Variants in NRXN1 observed in about 807,000 individuals in gnomAD.
NRXN1 encodes neurexin-1.
A neutral mutation model predicts 150.9 loss-of-function variants in NRXN1; 39 were observed. The ratio of observed to expected loss-of-function variants is 0.26; its 90% CI spans 0.20 to 0.34. The LOEUF is 0.34. Among genes scored for constraint, NRXN1 ranks in the 10% least tolerant of loss-of-function variants. The probability of loss-of-function intolerance (pLI) is 1.00; values close to 1 mark genes in which losing one functional copy is unlikely to be tolerated. For synonymous variants in NRXN1, 924 were observed against 757.0 expected (o/e 1.22, Z -3.62); for missense variants, 1,815 against 1,949.9 (o/e 0.93, Z 1.30).
In NRXN1 at chr2:50,019,947, C is replaced by CAAA. The variant is rs1161865745; in HGVS notation, c.4128+33321_4128+33323dup. ...TGGGTGACAAAGCAAGACTCCGTCT[C>CAAA]AAAAAAAAAAAAAAAAAAAAAAAAA... On this transcript the variant is annotated intron_variant, in intron 21 of 22. Coordinates refer to ENST00000401669, the MANE Select transcript of NRXN1 (RefSeq NM_001330078.2). Among the ~76,000 whole-genome samples the CAAA allele has an allele frequency of 2.3e-3, 98 of 43,348 alleles. 16 individuals carry two copies. The highest frequency in any genetic ancestry group is 3.6e-3 in the Non-Finnish European group (73 of 20,374). 28.4% of individuals were successfully genotyped at this position (43,348 alleles called of 152,430 possible). A position where few individuals can be genotyped will look rare whatever the true frequency, so the allele number is the denominator to read the frequency against.
At chr2:50,688,464 C>A (rs1691580906) in intron 5 of NRXN1, among the ~76,000 whole-genome samples, 2 of 152,094 alleles carry the variant, frequency 1.3e-5, no homozygotes, top group African/African-American at 2.4e-5. Flanking sequence ...TCTCTCAGTG[C>A]TCATTTTAAA....
At chr2:50,886,928 C>A (rs539934790) in intron 5 of NRXN1, among the ~76,000 whole-genome samples, 1 of 151,292 alleles carries the variant, frequency 6.6e-6, no homozygotes, top group African/African-American at 2.4e-5. Context: ...ACATCACTGG[C>A]CTTATTCTTC....
intron 5 of NRXN1, among the ~76,000 whole-genome samples, chr2:50,646,905 G>A (rs1177439810): frequency 1.3e-5 from 2 of 151,746 alleles, no homozygotes; most frequent in Admixed American, 6.6e-5. Flanking sequence ...ACAGGAGACA[G>A]GGAGGAAGAA....
intron 17 of NRXN1, among the ~76,000 whole-genome samples, chr2:50,428,768 A>G (rs1364836313): frequency 2.6e-5 from 4 of 152,206 alleles, no homozygotes; most frequent in Non-Finnish European, 5.9e-5. Context: ...CCCTATGCTA[A>G]GAGGTTTACA....
intron 19 of NRXN1, among the ~76,000 whole-genome samples, chr2:50,073,512 A>G (rs951726684): frequency 3.3e-5 from 5 of 152,116 alleles, no homozygotes; most frequent in Non-Finnish European, 7.4e-5. Context: ...CTTTTCCATG[A>G]TCCAGACTTA....
chr2:50,074,570 T>G (rs564312227), intron 19 of NRXN1, among the ~76,000 whole-genome samples: 1 of 152,274 alleles, frequency 6.6e-6, no homozygotes, highest in African/African-American at 2.4e-5. Flanking sequence ...TACTATTGTT[T>G]TTATAGATTA....
intron 17 of NRXN1, among the ~76,000 whole-genome samples, chr2:50,390,435 TAA>T (rs2081611612): frequency 6.6e-6 from 1 of 152,190 alleles, no homozygotes; most frequent in Non-Finnish European, 1.5e-5. Flanking sequence ...TGAGAGCAAC[TAA>T]TTTACACAGG....
At chr2:50,816,592 T>C (rs1220868858) in intron 5 of NRXN1, among the ~76,000 whole-genome samples, 1 of 152,138 alleles carries the variant, frequency 6.6e-6, no homozygotes, top group African/African-American at 2.4e-5. Flanking sequence ...CTTCAAAGCT[T>C]ACTGATTGTT....
At chr2:50,602,651 C>G (rs759103515) in intron 8 of NRXN1, among the ~76,000 whole-genome samples, 3 of 151,930 alleles carry the variant, frequency 2.0e-5, no homozygotes, top group Non-Finnish European at 4.4e-5. Context: ...CCCTTCCTTT[C>G]TTTTAAAATT....
At chr2:50,624,193 C>T (rs1046685431) in intron 5 of NRXN1, among the ~76,000 whole-genome samples, 4 of 152,130 alleles carry the variant, frequency 2.6e-5, no homozygotes, top group African/African-American at 9.7e-5. Context: ...CACATATACA[C>T]CATGGAATAC....
At chr2:50,134,556 C>T (rs1012474913) in intron 18 of NRXN1, among the ~76,000 whole-genome samples, 3 of 152,108 alleles carry the variant, frequency 2.0e-5, no homozygotes, top group African/African-American at 4.8e-5. Flanking sequence ...GATCAATAAC[C>T]TGGAAATCAA....
chr2:50,177,106 G>C (rs943963046), intron 18 of NRXN1, among the ~76,000 whole-genome samples: 1 of 152,154 alleles, frequency 6.6e-6, no homozygotes, highest in Non-Finnish European at 1.5e-5. Context: ...GAAAGTTAGA[G>C]TTTTAGAAAA....
At chr2:50,671,565 C>T (rs1385276927) in intron 5 of NRXN1, among the ~76,000 whole-genome samples, 2 of 151,576 alleles carry the variant, frequency 1.3e-5, no homozygotes, top group African/African-American at 4.8e-5. Flanking sequence ...TTATTGCATG[C>T]ACTTTTTATA....
chr2:50,900,256 A>G (rs1296972113), intron 5 of NRXN1, among the ~76,000 whole-genome samples: 1 of 152,178 alleles, frequency 6.6e-6, no homozygotes, highest in African/African-American at 2.4e-5. Context: ...TTTTAAGTGC[A>G]TAATAGATCC....
chr2:50,032,935 A>G (rs1439994618), intron 21 of NRXN1, among the ~76,000 whole-genome samples: 2 of 150,512 alleles, frequency 1.3e-5, no homozygotes, highest in Non-Finnish European at 3.0e-5. Flanking sequence ...ATACACACAC[A>G]TAATACACAC....
chr2:50,424,127 C>CGGAGGA (rs141016407), intron 17 of NRXN1, among the ~76,000 whole-genome samples: 2 of 92,364 alleles, frequency 2.2e-5, no homozygotes, highest in East Asian at 5.0e-4. Context: ...AAGAAGGAGG[C>CGGAGGA]GGAGGAGGAG....
intron 17 of NRXN1, among the ~76,000 whole-genome samples, chr2:50,436,308 C>T (rs913640278): frequency 5.3e-5 from 8 of 152,054 alleles, no homozygotes; most frequent in Admixed American, 2.0e-4. Flanking sequence ...ACAAAATTAG[C>T]CAGGCGTGGT....
At position 49,956,059 on chromosome 2, in the gene NRXN1, G is replaced by C. The variant is rs377753909; in HGVS notation, c.4129-12268C>G. ...TTTTATGCATTAATCTTTTACCCAT[G>C]TATTAAGTGTTCACACTGTATATTC... On this transcript the variant is annotated intron_variant, in intron 21 of 22. Transcript: ENST00000401669. Among the ~76,000 whole-genome samples the C allele has an allele frequency of 1.2e-4, 19 of 152,256 alleles. 1 individual carries two copies. Among genetic ancestry groups the C allele is most frequent in the African/African-American group, 4.6e-4 (19 of 41,558 alleles).
intron 21 of NRXN1, among the ~76,000 whole-genome samples, chr2:49,959,741 T>C (rs183449474): frequency 2.0e-5 from 3 of 152,334 alleles, no homozygotes; most frequent in Non-Finnish European, 4.4e-5. Context: ...TCCTGGTGCG[T>C]GATAAATTCA....
Sources: allele counts gnomAD v4.1 joint callset (sites outside exome capture counted in the v4.1 genomes callset), GRCh38; gene constraint gnomAD v4.1.1; transcripts MANE v1.5; gene names NCBI Gene and HGNC (gene_info 2026-07-23, HGNC 2026-07-21).